Variants in CLSTN2 observed in about 807,000 individuals in gnomAD.
The protein encoded by CLSTN2 is calsyntenin-2.
A neutral mutation model predicts 101.2 loss-of-function variants in CLSTN2; 48 were observed. The ratio of observed to expected loss-of-function variants is 0.47; its 90% CI spans 0.38 to 0.60. The LOEUF (loss-of-function observed/expected upper bound fraction) is 0.60, where lower values mean the gene tolerates loss of function less well. Ranked by LOEUF, CLSTN2 falls within the 20% of genes least tolerant of loss-of-function variation. The pLI is 0.00. For synonymous variants in CLSTN2, 481 were observed against 463.6 expected (o/e 1.04, Z -0.48); for missense variants, 1,160 against 1,238.2 (o/e 0.94, Z 0.95).
chr3:140,079,279 T>G (rs965763381), intron 1 of CLSTN2, among the ~76,000 whole-genome samples: 19 of 152,032 alleles, frequency 1.2e-4, no homozygotes, highest in Non-Finnish European at 2.6e-4. Context: ...CAAGAAAGAG[T>G]TGTATGGTGT....
chr3:140,152,545 C>T (rs940145544), intron 1 of CLSTN2, among the ~76,000 whole-genome samples: 6 of 152,204 alleles, frequency 3.9e-5, no homozygotes, highest in African/African-American at 1.4e-4. Context: ...CAATACCTGG[C>T]ATAGTCCCAC....
chr3:140,204,319 G>A (rs1033785442), intron 2 of CLSTN2, among the ~76,000 whole-genome samples: 1 of 152,088 alleles, frequency 6.6e-6, no homozygotes, highest in Non-Finnish European at 1.5e-5. Flanking sequence ...CAGACCTCAC[G>A]GCTTATCATC....
intron 8 of CLSTN2, among the ~76,000 whole-genome samples, chr3:140,530,164 C>T (rs1935224231): frequency 6.6e-6 from 1 of 152,072 alleles, no homozygotes; most frequent in Non-Finnish European, 1.5e-5. Flanking sequence ...ATAGCTGTTA[C>T]ATAATTAATA....
In CLSTN2 at chr3:140,569,720, CCAGGCTGGAGTG is replaced by C. The variant is rs1985464245; in HGVS notation, c.*3471_*3482del. ...AGCCAGAGTCTTGCTGCTCTGTCACCCAGGCTGGAGTGCAGTGGCACAATCTCAGCTCACTGC... is the reference window on the plus strand; with the variant it reads ...AGCCAGAGTCTTGCTGCTCTGTCACCCAGTGGCACAATCTCAGCTCACTGC... On this transcript the variant is annotated 3_prime_UTR_variant, in exon 17 of 17. Coordinates refer to ENST00000458420, the MANE Select transcript of CLSTN2 (RefSeq NM_022131.3). 6.6e-6 allele frequency: 1 copy of C among 152,142 alleles called. No individual in the cohort carries two copies. The highest frequency in any genetic ancestry group is 2.4e-5 in the African/African-American group (1 of 41,406). 9.4% of individuals were successfully genotyped at this position (152,142 alleles called of 1,614,324 possible).
Position 140,421,235 on chromosome 3 carries a change from C to A in CLSTN2, c.748C>A (p.Gln250Lys), listed in dbSNP as rs1365936598. 2 of 1,614,160 alleles carry A rather than the reference C, an allele frequency of 1.2e-6. No individual in the cohort carries two copies. Among genetic ancestry groups the A allele is most frequent in the East Asian group, 4.5e-5 (2 of 44,888 alleles). The change falls in exon 5 of 17, where the codon CAG (glutamine) becomes AAG (lysine). Residue 250 changes from glutamine to lysine, a missense_variant. Gln to Lys is a moderately conservative substitution (Grantham distance 53, BLOSUM62 1). Coordinates refer to ENST00000458420, the MANE Select transcript of CLSTN2 (RefSeq NM_022131.3). ...QKPAAQDTLV[Q>K]VDVKPVCKPG... is the part of the protein sequence containing the mutation. ...GCCCGCTGCTCAGGACACCCTGGTG[C>A]AGGTGGATGTGAAGCCAGTTTGCAA...
rs193189719 is a variant in CLSTN2 at position 140,309,154 on chromosome 3, A to G, written c.233-94475A>G. 8.5e-5 allele frequency among the ~76,000 whole-genome samples: 13 copies of G among 152,300 alleles called. No homozygotes were observed. In the East Asian group the frequency reaches 2.5e-3, roughly 29 times the overall value. On this transcript the variant is annotated intron_variant, in intron 2 of 16. Coordinates refer to ENST00000458420, the MANE Select transcript of CLSTN2 (RefSeq NM_022131.3). ...TAAGCACATAACTAAACAACTAATT[A>G]TTTAAATTATGATCTTGACAAGTGA...
rs946218392 is a variant in CLSTN2, at chr3:140,419,585, G to A, written c.638-1540G>A. Among the ~76,000 whole-genome samples the A allele has an allele frequency of 1.0e-4, 5 of 49,978 alleles. 2 individuals are homozygous for A. In the African/African-American group the frequency reaches 1.1e-3, roughly 11 times the overall value. The allele number at this position is 49,978 out of a possible 152,430, so 32.8% of individuals were successfully genotyped here. On this transcript the variant is annotated intron_variant, in intron 4 of 16. Transcript: ENST00000458420. ...TATATGTATATATACATATATACGT[G>A]TACGTATATATGTATATATACATAT...
At chr3:140,091,158 T>G (rs2008774362) in intron 1 of CLSTN2, among the ~76,000 whole-genome samples, 1 of 152,184 alleles carries the variant, frequency 6.6e-6, no homozygotes, top group Non-Finnish European at 1.5e-5. Flanking sequence ...AGGATTGTTG[T>G]GCACAAACAT....
chr3:139,988,989 C>CT (rs1187792299), intron 1 of CLSTN2, among the ~76,000 whole-genome samples: 3 of 152,300 alleles, frequency 2.0e-5, no homozygotes, highest in Non-Finnish European at 4.4e-5. Flanking sequence ...GCCATACTCC[C>CT]TCCTCAGCAA....
At chr3:140,499,729 T>C (rs1934533435) in intron 8 of CLSTN2, among the ~76,000 whole-genome samples, 1 of 152,188 alleles carries the variant, frequency 6.6e-6, no homozygotes, top group African/African-American at 2.4e-5. Flanking sequence ...GTTCTGCCTC[T>C]TGTTATGCAT....
At chr3:140,059,065 G>T (rs1443695832) in intron 1 of CLSTN2, among the ~76,000 whole-genome samples, 1 of 152,238 alleles carries the variant, frequency 6.6e-6, no homozygotes, top group East Asian at 1.9e-4. Flanking sequence ...TGGGGTGTGG[G>T]CTCTGTCATC....
chr3:140,227,162 C>T (rs1263909933), intron 2 of CLSTN2, among the ~76,000 whole-genome samples: 1 of 152,146 alleles, frequency 6.6e-6, no homozygotes, highest in Non-Finnish European at 1.5e-5. Context: ...AAGGCAAGAC[C>T]CTTCCACCTA....
chr3:140,370,952 T>C (rs1362956037), intron 2 of CLSTN2, among the ~76,000 whole-genome samples: 2 of 151,430 alleles, frequency 1.3e-5, no homozygotes, highest in Middle Eastern at 3.4e-3. Flanking sequence ...TGCGAGGGCA[T>C]GGTGGCTCCA....
At position 140,550,870 on chromosome 3, in the gene CLSTN2, T is replaced by C. The variant is rs1935688150; in HGVS notation, c.1674+4189T>C. Among the ~76,000 whole-genome samples, 3 of 151,158 alleles carry C rather than the reference T, an allele frequency of 2.0e-5. No individual in the cohort carries two copies. In the South Asian group the frequency reaches 6.3e-4, roughly 32 times the overall value. ...GTTATAAAGGCTTGGTTATAAGCCT[T>C]TTTATAACCAAGCCACTGCAAATGA... On this transcript the variant is annotated intron_variant, in intron 10 of 16. Coordinates refer to ENST00000458420, the MANE Select transcript of CLSTN2 (RefSeq NM_022131.3).
At chr3:140,230,751 T>C (rs2086364036) in intron 2 of CLSTN2, among the ~76,000 whole-genome samples, 1 of 152,240 alleles carries the variant, frequency 6.6e-6, no homozygotes, top group Admixed American at 6.5e-5. Context: ...TATTTTGTTA[T>C]ACCAGCCTGA....
At chr3:140,152,193 G>A (rs531608268) in intron 1 of CLSTN2, among the ~76,000 whole-genome samples, 10 of 152,102 alleles carry the variant, frequency 6.6e-5, no homozygotes, top group Non-Finnish European at 1.3e-4. Flanking sequence ...CCTGAATCAT[G>A]TTCTAATGTC....
At chr3:140,258,650 T>C (rs1020346625) in intron 2 of CLSTN2, among the ~76,000 whole-genome samples, 1 of 152,236 alleles carries the variant, frequency 6.6e-6, no homozygotes, top group Non-Finnish European at 1.5e-5. Context: ...ACTTCCTTCT[T>C]ATTAATCTTT....
chr3:140,139,902 C>T (rs1364635037), intron 1 of CLSTN2, among the ~76,000 whole-genome samples: 1 of 152,196 alleles, frequency 6.6e-6, no homozygotes, highest in African/African-American at 2.4e-5. Context: ...TTCTTCAGTT[C>T]TATATCTGAA....
intron 8 of CLSTN2, among the ~76,000 whole-genome samples, chr3:140,493,928 C>A (rs1934400378): frequency 6.6e-6 from 1 of 152,136 alleles, no homozygotes; most frequent in African/African-American, 2.4e-5. Context: ...ACCAATTCCC[C>A]AAATTCATTA....
Sources: allele counts gnomAD v4.1 joint callset (sites outside exome capture counted in the v4.1 genomes callset), GRCh38; gene constraint gnomAD v4.1.1; transcripts MANE v1.5; gene names NCBI Gene and HGNC (gene_info 2026-07-23, HGNC 2026-07-21).